Variants in TSPAN15 observed in about 807,000 individuals in gnomAD.
TSPAN15 encodes tetraspanin 15.
In TSPAN15, 20 loss-of-function variants were observed where a neutral mutation model predicts 34.5. The ratio of observed to expected loss-of-function variants is 0.58; its 90% CI spans 0.41 to 0.84. TSPAN15 has a LOEUF of 0.84. TSPAN15 is among the 40% of genes least tolerant of loss of function. TSPAN15 has a pLI of 0.00. For missense variants in TSPAN15, 313 were observed against 386.1 expected (o/e 0.81, Z 1.59); for synonymous variants, 155 against 153.9 (o/e 1.01, Z -0.05).
In TSPAN15 at chr10:69,506,084, G is replaced by A. The variant is rs1459316272; in HGVS notation, c.619-40G>A. 3 of 1,579,762 alleles carry A rather than the reference G, an allele frequency of 1.9e-6. No individual in the cohort carries two copies. Among genetic ancestry groups the A allele is most frequent in the Non-Finnish European group, 1.7e-6 (2 of 1,151,476 alleles). ...GTCGGGGCTGTGGCTCCTGCCAGCC[G>A]AGGTCCTCTGCTGGGCTGACCCAGC... On this transcript the variant is annotated intron_variant, in intron 6 of 7. Coordinates refer to ENST00000373290, the MANE Select transcript of TSPAN15 (RefSeq NM_012339.5). This position sits in a 1 kb window ranked among gnomAD's most constrained non-coding sequence, Gnocchi z 4.7.
At chr10:69,505,570 T>C (rs1842307745) in intron 6 of TSPAN15, among the ~76,000 whole-genome samples, 1 of 146,798 alleles carries the variant, frequency 6.8e-6, no homozygotes, top group African/African-American at 2.7e-5. Flanking sequence ...AGAAATGCTT[T>C]TTTTTTTTTT....
At chr10:69,518,654 C>G in the TSPAN15 span, among the ~76,000 whole-genome samples, 3 of 152,170 alleles carry the variant, frequency 2.0e-5, no homozygotes, top group Non-Finnish European at 2.9e-5. Context: ...GAACTCCTGA[C>G]CTCGTGATTT....
chr10:69,474,624 AAGG>A (rs1412581964), intron 1 of TSPAN15, among the ~76,000 whole-genome samples: 1 of 151,874 alleles, frequency 6.6e-6, no homozygotes, highest in African/African-American at 2.4e-5. Context: ...TGGCCAGAGG[AAGG>A]AGGAGGAGGG....
chr10:69,456,782 A>G (rs1391732150), intron 1 of TSPAN15, among the ~76,000 whole-genome samples: 1 of 152,194 alleles, frequency 6.6e-6, no homozygotes, highest in African/African-American at 2.4e-5. Flanking sequence ...AAGGGCATTG[A>G]ACGAGGAAAG....
At chr10:69,461,096 G>A (rs1411439578) in intron 1 of TSPAN15, among the ~76,000 whole-genome samples, 2 of 152,198 alleles carry the variant, frequency 1.3e-5, no homozygotes, top group African/African-American at 2.4e-5. Context: ...TCATGCAGAT[G>A]CTGGGAGGAG....
At chr10:69,455,496 A>C (rs1288685437) in intron 1 of TSPAN15, among the ~76,000 whole-genome samples, 1 of 151,498 alleles carries the variant, frequency 6.6e-6, no homozygotes, top group African/African-American at 2.4e-5. Flanking sequence ...GGGAACTCTT[A>C]GGTTGTTCCC....
intron 1 of TSPAN15, among the ~76,000 whole-genome samples, chr10:69,458,921 C>A (rs1841176574): frequency 6.6e-6 from 1 of 152,072 alleles, no homozygotes; most frequent in Non-Finnish European, 1.5e-5. Context: ...GAATAACCAC[C>A]TGCCCTCCTG....
At chr10:69,488,152 A>T (rs963739860) in intron 3 of TSPAN15, among the ~76,000 whole-genome samples, 3 of 152,204 alleles carry the variant, frequency 2.0e-5, no homozygotes, top group Admixed American at 1.3e-4. Context: ...CCTCCCCTTT[A>T]TATTTTTCCT....
chr10:69,456,761 G>A (rs563334263), intron 1 of TSPAN15, among the ~76,000 whole-genome samples: 27 of 152,314 alleles, frequency 1.8e-4, no homozygotes, highest in Admixed American at 1.6e-3. Context: ...TGATGCAATC[G>A]GAGGGGTCGA....
At chr10:69,472,924 T>G (rs1052389407) in intron 1 of TSPAN15, among the ~76,000 whole-genome samples, 9 of 152,204 alleles carry the variant, frequency 5.9e-5, no homozygotes, top group Non-Finnish European at 1.2e-4. Flanking sequence ...GCATAGTACG[T>G]GCAGACTGTG....
At position 69,483,805 on chromosome 10, in the gene TSPAN15, G is replaced by A. The variant is rs371948856; in HGVS notation, c.211G>A (p.Val71Ile). 64 of 1,614,178 alleles carry A rather than the reference G, an allele frequency of 4.0e-5. 1 individual carries two copies. The highest frequency in any genetic ancestry group is 1.8e-4 in the South Asian group (16 of 91,078). The part of the protein sequence containing the change: ...APAIILILLG[V>I]VMFMVSFIGV... The stretch of plus-strand genomic sequence containing the variant: ...AGCCATCATCCTCATCCTCCTGGGC[G>A]TCGTCATGTTCATGGTCTCCTTCAT... Residue 71 changes from valine (V) to isoleucine (I), a missense_variant, in exon 2 of 8, where the codon GTC becomes ATC. Val to Ile is a conservative substitution (Grantham distance 29). Transcript: ENST00000373290.
At chr10:69,527,759 A>G in the TSPAN15 span, among the ~76,000 whole-genome samples, 5 of 147,722 alleles carry the variant, frequency 3.4e-5, 1 homozygote, top group Non-Finnish European at 6.0e-5. Flanking sequence ...CTATGTGTTT[A>G]GATTCATATG....
chr10:69,517,119 C>T, the TSPAN15 span, among the ~76,000 whole-genome samples: 1 of 152,222 alleles, frequency 6.6e-6, no homozygotes, highest in Admixed American at 6.5e-5. Flanking sequence ...CAGGGAGTGG[C>T]TGTGCCAGGT....
At chr10:69,533,561 A>G in the TSPAN15 span, among the ~76,000 whole-genome samples, 2 of 152,236 alleles carry the variant, frequency 1.3e-5, no homozygotes, top group African/African-American at 2.4e-5. Context: ...AATAGGGTGC[A>G]GTGTATACTG....
chr10:69,501,250 T>C (rs1160363577), intron 5 of TSPAN15, among the ~76,000 whole-genome samples: 1 of 152,128 alleles, frequency 6.6e-6, no homozygotes, highest in East Asian at 1.9e-4. Context: ...TGGGAACGAC[T>C]AGGCAAGGGG....
intron 3 of TSPAN15, among the ~76,000 whole-genome samples, chr10:69,486,891 C>T (rs13328799): frequency 0.033 from 5,087 of 152,326 alleles, 280 homozygotes; most frequent in African/African-American, 0.12. Flanking sequence ...CTGCTTCTCC[C>T]TTTTCCTCTT....
At chr10:69,456,784 C>T (rs764348643) in intron 1 of TSPAN15, among the ~76,000 whole-genome samples, 2 of 152,164 alleles carry the variant, frequency 1.3e-5, no homozygotes, top group Non-Finnish European at 2.9e-5. Flanking sequence ...GGGCATTGAA[C>T]GAGGAAAGCT....
chr10:69,529,312 C>T, the TSPAN15 span, among the ~76,000 whole-genome samples: 1 of 147,992 alleles, frequency 6.8e-6, no homozygotes, highest in Non-Finnish European at 1.5e-5. Flanking sequence ...GGTGCAACCC[C>T]ATGGCTCATC....
At chr10:69,507,930 G>T (rs1359862672), downstream of TSPAN15, among the ~76,000 whole-genome samples, 2 of 151,984 alleles carry the variant, frequency 1.3e-5, no homozygotes, top group Admixed American at 6.5e-5. Flanking sequence ...GATGGGGTGG[G>T]GGACCAGGGA....
Sources: allele counts gnomAD v4.1 joint callset (sites outside exome capture counted in the v4.1 genomes callset), GRCh38; gene constraint gnomAD v4.1.1; non-coding constraint Gnocchi (gnomAD v3.1); transcripts MANE v1.5; gene names NCBI Gene and HGNC (gene_info 2026-07-23, HGNC 2026-07-21).